The following RTN1 variants were observed in gnomAD, a reference collection of about 807,000 sequenced individuals.
RTN1 encodes reticulon-1.
Under a neutral mutation model 65.5 loss-of-function variants are expected in RTN1, and 25 were observed. The ratio of observed to expected loss-of-function variants is 0.38; its 90% confidence interval spans 0.28 to 0.53. The LOEUF is 0.53. Among genes scored for constraint, RTN1 ranks in the 20% least tolerant of loss-of-function variants. The pLI, the probability that RTN1 is intolerant of heterozygous loss-of-function variation, is 0.79. For missense variants in RTN1, 983 were observed against 1,025.4 expected, an observed-to-expected ratio of 0.96 and a Z score of 0.57; for synonymous variants, 471 against 447.6, an observed-to-expected ratio of 1.05 and a Z score of -0.66.
chr14:59,725,294 C>A (rs939501105), intron 3 of RTN1, among the ~76,000 whole-genome samples: 4 of 152,182 alleles, frequency 2.6e-5, no homozygotes, highest in Admixed American at 1.3e-4. Flanking sequence ...CATATTTGAA[C>A]AGCACCGTGC....
chr14:59,650,867 G>A (rs915255696), intron 3 of RTN1, among the ~76,000 whole-genome samples: 3 of 152,060 alleles, frequency 2.0e-5, no homozygotes, highest in Non-Finnish European at 4.4e-5. Context: ...ATCTACCAAT[G>A]ACATTTTTCA....
In RTN1 at chr14:59,605,511, C is replaced by T. The variant is rs1881714851; in HGVS notation, c.1974-5G>A. On this transcript the variant is annotated splice_polypyrimidine_tract_variant and splice_region_variant and intron_variant, in intron 4 of 8. Coordinates refer to ENST00000267484, the MANE Select transcript of RTN1 (RefSeq NM_021136.3). ...ATCTCAAGCTCCAAGTAGGCCCTGT[C>T]AACAAACCATTCCCACAGAAAATTC... 6.2e-7 allele frequency: 1 copy of T among 1,613,056 alleles called. No individual in the cohort carries two copies. The highest frequency in any genetic ancestry group is 1.7e-5 in the Admixed American group (1 of 59,848).
intron 1 of RTN1, among the ~76,000 whole-genome samples, chr14:59,792,642 T>G (rs1475289292): frequency 1.3e-5 from 2 of 152,186 alleles, no homozygotes; most frequent in Admixed American, 6.6e-5. Flanking sequence ...TTTTTGGTAT[T>G]TACTGTCATT....
intron 3 of RTN1, among the ~76,000 whole-genome samples, chr14:59,718,357 T>C (rs1884580972): frequency 6.6e-6 from 1 of 152,246 alleles, no homozygotes; most frequent in Non-Finnish European, 1.5e-5. Flanking sequence ...ACTTTAAAGC[T>C]GCCTTCGCTC....
intron 3 of RTN1, among the ~76,000 whole-genome samples, chr14:59,614,994 G>A (rs1197110180): frequency 2.0e-5 from 3 of 152,184 alleles, no homozygotes; most frequent in Non-Finnish European, 4.4e-5. Flanking sequence ...TGTAATTTTG[G>A]CTAGTTCTGA....
At chr14:59,757,523 A>T (rs899275305) in intron 1 of RTN1, among the ~76,000 whole-genome samples, 3 of 152,180 alleles carry the variant, frequency 2.0e-5, no homozygotes, top group Non-Finnish European at 2.9e-5. Flanking sequence ...TGAGTCAATT[A>T]AACCTCTTTC....
intron 3 of RTN1, among the ~76,000 whole-genome samples, chr14:59,639,265 A>G (rs979360671): frequency 1.3e-5 from 2 of 152,238 alleles, no homozygotes; most frequent in Non-Finnish European, 2.9e-5. Flanking sequence ...ACAGATCACC[A>G]TAACAGTTGT....
intron 3 of RTN1, among the ~76,000 whole-genome samples, chr14:59,719,694 G>A (rs1407659494): frequency 1.3e-5 from 2 of 152,204 alleles, no homozygotes; most frequent in Non-Finnish European, 2.9e-5. Context: ...ATCTAGAAGT[G>A]CAGAAACTAT....
chr14:59,827,192 C>A (rs574876452), intron 1 of RTN1, among the ~76,000 whole-genome samples: 1 of 152,246 alleles, frequency 6.6e-6, no homozygotes, highest in African/African-American at 2.4e-5. Context: ...CATTCTCCTG[C>A]CTCAACCTCC....
At chr14:59,675,565 TAA>T in intron 3 of RTN1, among the ~76,000 whole-genome samples, 1 of 148,050 alleles carries the variant, frequency 6.8e-6, no homozygotes, top group African/African-American at 2.5e-5. Flanking sequence ...AATTTAATAA[TAA>T]TATATTTTAT....
At chr14:59,627,129 T>C (rs566668068) in intron 3 of RTN1, among the ~76,000 whole-genome samples, 2 of 152,344 alleles carry the variant, frequency 1.3e-5, no homozygotes, top group East Asian at 1.9e-4. Flanking sequence ...AGCCTCATAA[T>C]GTCCAAGAGT....
intron 2 of RTN1, among the ~76,000 whole-genome samples, chr14:59,733,874 C>T (rs1204057806): frequency 6.6e-6 from 1 of 152,134 alleles, no homozygotes; most frequent in East Asian, 1.9e-4. Context: ...AGCTGCCCTA[C>T]CAAAAAGCAG....
At chr14:59,601,423 T>C (rs723385) in intron 8 of RTN1, among the ~76,000 whole-genome samples, 38,172 of 152,068 alleles carry the variant, frequency 0.25, 5,187 homozygotes, top group South Asian at 0.36. Context: ...ACTGTACTTA[T>C]TATATTTTAT....
chr14:59,717,109 C>T (rs542558836), intron 3 of RTN1, among the ~76,000 whole-genome samples: 178 of 152,114 alleles, frequency 1.2e-3, no homozygotes, highest in African/African-American at 4.1e-3. Context: ...ACTTGATTTT[C>T]TTTGCGTTTT....
intron 2 of RTN1, among the ~76,000 whole-genome samples, chr14:59,732,365 G>A (rs1383556056): frequency 1.3e-5 from 2 of 152,198 alleles, no homozygotes; most frequent in African/African-American, 4.8e-5. Context: ...CTCATGGAGA[G>A]GAACGAAAGG....
At chr14:59,703,946 T>G (rs996087381) in intron 3 of RTN1, among the ~76,000 whole-genome samples, 1 of 152,208 alleles carries the variant, frequency 6.6e-6, no homozygotes, top group Non-Finnish European at 1.5e-5. Flanking sequence ...TTCCACAGTT[T>G]GAAGCTCCTG....
intron 3 of RTN1, among the ~76,000 whole-genome samples, chr14:59,722,663 T>A (rs1884670040): frequency 6.6e-6 from 1 of 151,780 alleles, no homozygotes; most frequent in Non-Finnish European, 1.5e-5. Context: ...ACTTTTTCAG[T>A]GAAAAACTAT....
At chr14:59,668,900 A>G (rs1419067566) in intron 3 of RTN1, among the ~76,000 whole-genome samples, 1 of 152,200 alleles carries the variant, frequency 6.6e-6, no homozygotes, top group Non-Finnish European at 1.5e-5. Flanking sequence ...CAGAACCACA[A>G]TGAGATGCCA....
intron 1 of RTN1, among the ~76,000 whole-genome samples, chr14:59,784,219 A>G (rs1041555256): frequency 6.6e-6 from 1 of 151,872 alleles, no homozygotes; most frequent in Admixed American, 6.6e-5. Flanking sequence ...CAGGCGGATC[A>G]CCTGAGGTTG....
Sources: allele counts gnomAD v4.1 joint callset (sites outside exome capture counted in the v4.1 genomes callset), GRCh38; gene constraint gnomAD v4.1.1; transcripts MANE v1.5; gene names NCBI Gene and HGNC (gene_info 2026-07-23, HGNC 2026-07-21).